ILDR2: variants seen among roughly 807,000 people sequenced by gnomAD.
ILDR2 encodes the protein immunoglobulin like domain containing receptor 2.
A neutral mutation model predicts 66.8 loss-of-function variants in ILDR2; 25 were observed. The observed-to-expected ratio is 0.37, with a 90% confidence interval of 0.27 to 0.52. The LOEUF (loss-of-function observed/expected upper bound fraction) is 0.52, where lower values mean the gene tolerates loss of function less well. Ranked by LOEUF, ILDR2 falls within the 20% of genes least tolerant of loss-of-function variation. The probability of loss-of-function intolerance (pLI) is 0.88; values close to 1 mark genes in which losing one functional copy is unlikely to be tolerated. For synonymous variants in ILDR2, 367 were observed against 357.2 expected (o/e 1.03, Z -0.31); for missense variants, 827 against 876.8 (o/e 0.94, Z 0.72).
intron 1 of ILDR2, among the ~76,000 whole-genome samples, 170 bp from the exon 2 acceptor site, chr1:166,958,271 T>C (rs542417289): frequency 6.6e-6 from 1 of 152,288 alleles, no homozygotes; most frequent in African/African-American, 2.4e-5. Context: ...TGCAGAAATA[T>C]GCCCTCTAAT....
intron 7 of ILDR2, among the ~76,000 whole-genome samples, chr1:166,926,778 G>A (rs552399149): frequency 1.1e-4 from 17 of 152,030 alleles, no homozygotes; most frequent in Non-Finnish European, 2.1e-4. Flanking sequence ...TTCAAAGAAT[G>A]TTGGTTCTAT....
At chr1:166,927,987 C>T (rs550550763) in intron 6 of ILDR2, among the ~76,000 whole-genome samples, 45 of 152,184 alleles carry the variant, frequency 3.0e-4, no homozygotes, top group African/African-American at 1.1e-3. Context: ...CTGTTTAAGC[C>T]CCATATCACT....
intron 2 of ILDR2, among the ~76,000 whole-genome samples, chr1:166,901,469 C>T (rs1162014893): frequency 6.6e-6 from 1 of 152,228 alleles, no homozygotes; most frequent in Non-Finnish European, 1.5e-5. Flanking sequence ...GCCTGGAGAG[C>T]AGGTGAGGCT....
Position 166,945,937 on chromosome 1 carries a change from T to G in ILDR2, c.500-6367A>C, listed in dbSNP as rs1393677215. ...TTCCCCTCTTCTCCCTTATGTTTAA[T>G]GCACATCTCAGCTTCATCCCACTTT... is the stretch of plus-strand genomic sequence containing the variant. On this transcript the variant is annotated intron_variant, in intron 3 of 9. Coordinates refer to ENST00000271417, the MANE Select transcript of ILDR2 (RefSeq NM_199351.3). 2.0e-5 allele frequency among the ~76,000 whole-genome samples: 3 copies of G among 152,196 alleles called. No homozygotes were observed. In the East Asian group the frequency reaches 5.8e-4, roughly 29 times the overall value.
intron 1 of ILDR2, among the ~76,000 whole-genome samples, chr1:166,969,256 T>C (rs1434212481): frequency 1.3e-5 from 2 of 152,184 alleles, no homozygotes; most frequent in African/African-American, 2.4e-5. Flanking sequence ...CTCAGCTGAA[T>C]GCAAGGGCCC....
At chr1:166,952,153 T>G (rs1243484719) in intron 3 of ILDR2, among the ~76,000 whole-genome samples, 1 of 152,188 alleles carries the variant, frequency 6.6e-6, no homozygotes, top group East Asian at 1.9e-4. Flanking sequence ...AATGGTGAAG[T>G]CCTTTGCCTG....
chr1:166,952,191 A>T (rs908929759), intron 3 of ILDR2, among the ~76,000 whole-genome samples: 3 of 152,172 alleles, frequency 2.0e-5, no homozygotes, highest in African/African-American at 7.2e-5. Flanking sequence ...AGGGAACTTT[A>T]TTCCTGTCCA....
intron 3 of ILDR2, among the ~76,000 whole-genome samples, chr1:166,948,437 G>C (rs1245510763): frequency 1.3e-5 from 2 of 152,180 alleles, no homozygotes; most frequent in African/African-American, 2.4e-5. Context: ...GTGTTCTTCA[G>C]ATCCCTCCAG....
At chr1:166,951,186 A>G (rs1348253762) in intron 3 of ILDR2, among the ~76,000 whole-genome samples, 2 of 152,212 alleles carry the variant, frequency 1.3e-5, no homozygotes, top group African/African-American at 2.4e-5. Flanking sequence ...CCCCAACAAC[A>G]GGACTTTTAC....
rs368512582 is a variant in ILDR2 at position 166,935,384 on chromosome 1, C to T, written c.797G>A (p.Gly266Glu). 34 of 1,613,896 alleles carry T rather than the reference C, an allele frequency of 2.1e-5. No individual in the cohort carries two copies. The highest frequency in any genetic ancestry group is 2.7e-5 in the African/African-American group (2 of 74,884). ...PYSIPSVPLG[G>E]APSSGMLMDK... ...CATCAGCATGCCAGATGAGGGGGCTCCTCCCAAAGGGACAGAGGGGATGGA... is the reference window on the plus strand; with the variant it reads ...CATCAGCATGCCAGATGAGGGGGCTTCTCCCAAAGGGACAGAGGGGATGGA... Residue 266 changes from glycine (G) to glutamate (E), a missense_variant, in exon 6 of 10, where the codon GGA becomes GAA. By Grantham distance (98) the Gly-to-Glu change is moderately conservative. Coordinates refer to ENST00000271417, the MANE Select transcript of ILDR2 (RefSeq NM_199351.3).
At chr1:166,896,781 A>G (rs1659174308) in intron 2 of ILDR2, among the ~76,000 whole-genome samples, 1 of 151,862 alleles carries the variant, frequency 6.6e-6, no homozygotes, top group Non-Finnish European at 1.5e-5. Flanking sequence ...GATTACAGGC[A>G]CATGTCACCA....
Position 166,916,112 on chromosome 1 carries a change from C to T in ILDR2, c.*3243G>A, listed in dbSNP as rs1319967600. 7 of 152,510 alleles carry T rather than the reference C, an allele frequency of 4.6e-5. No individual in the cohort carries two copies. Among genetic ancestry groups the T allele is most frequent in the Admixed American group, 4.6e-4 (7 of 15,294 alleles). 9.4% of individuals were successfully genotyped at this position (152,510 alleles called of 1,614,324 possible). A position where few individuals can be genotyped will look rare whatever the true frequency, so the allele number is the denominator to read the frequency against. ...CCTGCCACCTGCATCCACACTCCCT[C>T]CTCCAGCGTGTTCCTGACTCAGTAG... On this transcript the variant is annotated 3_prime_UTR_variant, in exon 10 of 10. Transcript: ENST00000271417.
rs1659386756 is a variant in ILDR2 at position 166,908,263 on chromosome 1, G to C, written c.*11092C>G. 1 of 152,214 alleles carries C rather than the reference G, an allele frequency of 6.6e-6. No homozygotes were observed. Among genetic ancestry groups the C allele is most frequent in the African/African-American group, 2.4e-5 (1 of 41,438 alleles). 9.4% of individuals were successfully genotyped at this position (152,214 alleles called of 1,614,324 possible). A position where few individuals can be genotyped will look rare whatever the true frequency, so the allele number is the denominator to read the frequency against. On this transcript the variant is annotated 3_prime_UTR_variant, in exon 10 of 10. Transcript: ENST00000271417. ...CAAGCTCAGTGCACCAATACATTCAGTTCCTGGCGAAGGTCCTTTTCCTGG... is the reference window on the plus strand; with the variant it reads ...CAAGCTCAGTGCACCAATACATTCACTTCCTGGCGAAGGTCCTTTTCCTGG...
intron 4 of ILDR2, among the ~76,000 whole-genome samples, chr1:166,937,480 A>G (rs1488151910): frequency 6.6e-6 from 1 of 152,276 alleles, no homozygotes. Context: ...TAGGCAGCCA[A>G]CATAGCCAAG....
intron 6 of ILDR2, among the ~76,000 whole-genome samples, chr1:166,932,007 A>C (rs1660667653): frequency 6.6e-6 from 1 of 152,260 alleles, no homozygotes; most frequent in Non-Finnish European, 1.5e-5. Flanking sequence ...AGTCATCAGC[A>C]TATAGATGAT....
At chr1:166,942,405 AGCCACT>A (rs1255210162) in intron 3 of ILDR2, among the ~76,000 whole-genome samples, 1 of 152,258 alleles carries the variant, frequency 6.6e-6, no homozygotes, top group Non-Finnish European at 1.5e-5. Flanking sequence ...AGTCACCTCT[AGCCACT>A]TGTGGCCCCA....
rs1390708136 is a variant in ILDR2 at position 166,917,982 on chromosome 1, T to C, written c.*1373A>G. 6.6e-6 allele frequency: 1 copy of C among 152,158 alleles called. No homozygotes were observed. Among genetic ancestry groups the C allele is most frequent in the Non-Finnish European group, 1.5e-5 (1 of 68,032 alleles). The allele number at this position is 152,158 out of a possible 1,614,324, so 9.4% of individuals were successfully genotyped here. A position where few individuals can be genotyped will look rare whatever the true frequency, so the allele number is the denominator to read the frequency against. The stretch of plus-strand genomic sequence containing the variant: ...TTTTCAAGTCTCTGCTTGTGTCACA[T>C]TTGTTGGGCTACTGGCTAAATCAAA... On this transcript the variant is annotated 3_prime_UTR_variant, in exon 10 of 10. Coordinates refer to ENST00000271417, the MANE Select transcript of ILDR2 (RefSeq NM_199351.3).
At chr1:166,949,807 A>G (rs940665571) in intron 3 of ILDR2, among the ~76,000 whole-genome samples, 5 of 152,216 alleles carry the variant, frequency 3.3e-5, no homozygotes, top group Non-Finnish European at 5.9e-5. Flanking sequence ...TTTTAAAAAC[A>G]AGACCAGCAG....
chr1:166,975,401 G>T lies in ILDR2; in HGVS notation c.-133C>A. 3.4e-6 allele frequency: 1 copy of T among 293,704 alleles called. No homozygotes were observed. The highest frequency in any genetic ancestry group is 5.0e-6 in the Non-Finnish European group (1 of 198,554). 18.2% of individuals were successfully genotyped at this position (293,704 alleles called of 1,614,324 possible). On this transcript the variant is annotated 5_prime_UTR_variant, in exon 1 of 10. Coordinates refer to ENST00000271417, the MANE Select transcript of ILDR2 (RefSeq NM_199351.3). ...CCGGGCGTCCCTGGGCGCAGCGCCC[G>T]CCGGGCCGGCCGCGCAGGCGGGGCC...
Sources: allele counts gnomAD v4.1 joint callset (sites outside exome capture counted in the v4.1 genomes callset), GRCh38; gene constraint gnomAD v4.1.1; transcripts MANE v1.5; gene names NCBI Gene and HGNC (gene_info 2026-07-23, HGNC 2026-07-21).